Variants in PMS2 observed in about 807,000 individuals in gnomAD.
PMS2 encodes mismatch repair endonuclease PMS2.
A neutral mutation model predicts 90.0 loss-of-function variants in PMS2; 69 were observed. That is an observed-to-expected ratio of 0.77 (90% CI 0.63 to 0.94). The LOEUF (loss-of-function observed/expected upper bound fraction) is 0.94, where lower values mean the gene tolerates loss of function less well. Among genes scored for constraint, PMS2 ranks in the 40% least tolerant of loss-of-function variants. The pLI is 0.00. For missense variants in PMS2, 966 were observed against 1,040.2 expected, an observed-to-expected ratio of 0.93 and a Z score of 0.98; for synonymous variants, 332 against 375.1, an observed-to-expected ratio of 0.89 and a Z score of 1.33.
chr7:5,996,506 A>AG (rs1784403961), intron 7 of PMS2, among the ~76,000 whole-genome samples: 1 of 150,122 alleles, frequency 6.7e-6, no homozygotes, highest in African/African-American at 2.4e-5. Context: ...AGGGAGGCAG[A>AG]GGTTGCAGTG....
In PMS2 at chr7:5,989,962, C is replaced by CA. The variant is rs1333503820; in HGVS notation, c.989-8dup. On this transcript the variant is annotated splice_region_variant and splice_polypyrimidine_tract_variant and intron_variant, in intron 9 of 14. Coordinates refer to ENST00000265849, the MANE Select transcript of PMS2 (RefSeq NM_000535.7). Reference sequence around the variant, plus strand: ...ACATTGATATCAACGCATTCTAAGGCAAAAAAGAAAACATATTTATTATGT... The same window carrying CA: ...ACATTGATATCAACGCATTCTAAGGCAAAAAAAGAAAACATATTTATTATGT... 6.4e-7 allele frequency: 1 copy of CA among 1,558,914 alleles called. No homozygotes were observed.
chr7:5,999,401 C>T, intron 5 of PMS2, 126 bp from the exon 6 acceptor site: 1 of 855,038 alleles, frequency 1.2e-6, no homozygotes, highest in Non-Finnish European at 2.0e-6. Context: ...GCACTGTTGA[C>T]AGAATGATCT....
chr7:5,995,799 T>C (rs1784335299), intron 7 of PMS2, among the ~76,000 whole-genome samples, 166 bp from the exon 8 acceptor site: 1 of 152,096 alleles, frequency 6.6e-6, no homozygotes, highest in South Asian at 2.1e-4. Flanking sequence ...TCTTGATGAG[T>C]CATCAAAGAA....
At chr7:5,978,264 T>C (rs1447841372) in intron 13 of PMS2, among the ~76,000 whole-genome samples, 1 of 149,358 alleles carries the variant, frequency 6.7e-6, no homozygotes, top group African/African-American at 2.5e-5. Context: ...CAAGAATCTA[T>C]AGTTCTGATT....
At chr7:5,999,339 A>C in intron 5 of PMS2, 64 bp from the exon 6 acceptor site, 71 of 1,392,916 alleles carry the variant, frequency 5.1e-5, no homozygotes, top group Non-Finnish European at 6.3e-5. Flanking sequence ...TACACAGCTC[A>C]AGTTACAACA....
Position 5,987,554 on chromosome 7 carries a change from G to C in PMS2, c.1211C>G (p.Pro404Arg), listed in dbSNP as rs536111818. 166 of 1,613,884 alleles carry C rather than the reference G, an allele frequency of 1.0e-4. No individual in the cohort carries two copies. Among genetic ancestry groups the C allele is most frequent in the South Asian group, 3.6e-4 (33 of 91,082 alleles). Residue 404 changes from proline (P) to arginine (R), a missense_variant, in exon 11 of 15, where the codon CCT (proline) becomes CGT (arginine). Around this residue, in one of 2 missense-constraint regions of PMS2, gnomAD observed 871 missense variants for 802.4 expected, o/e 1.09. Coordinates refer to ENST00000265849, the MANE Select transcript of PMS2 (RefSeq NM_000535.7). ...KPMVEKQDQS[P>R]SLRTGEEKKD... ...TTTTTCTTCTCCAGTCCTTAATGAA[G>C]GGGATTGATCCTGCTTTTCTACCAT...
At chr7:6,008,847 A>T (rs1229721287) in intron 1 of PMS2, 150 bp downstream of exon 1, 1 of 965,294 alleles carries the variant, frequency 1.0e-6, no homozygotes, top group Non-Finnish European at 1.7e-6. Flanking sequence ...AGATCGCTGC[A>T]ACACTGAGGT....
At chr7:5,984,470 T>C (rs543637275) in intron 11 of PMS2, among the ~76,000 whole-genome samples, 5 of 151,894 alleles carry the variant, frequency 3.3e-5, no homozygotes, top group South Asian at 4.1e-4. Flanking sequence ...AAAGCAGCCA[T>C]GGACGTTTTC....
rs761440356 is a variant in PMS2, at chr7:5,973,262, A to T, written c.*137T>A. ...CATCTGGTTTGAAAAGGTTCTCAAGATCACTTTTAAATGGGTGTGATGTGT... is the reference window on the plus strand; with the variant it reads ...CATCTGGTTTGAAAAGGTTCTCAAGTTCACTTTTAAATGGGTGTGATGTGT... On this transcript the variant is annotated 3_prime_UTR_variant, in exon 15 of 15. Transcript: ENST00000265849. 28 of 825,280 alleles carry T rather than the reference A, an allele frequency of 3.4e-5. 2 individuals carry two copies. The highest frequency in any genetic ancestry group is 4.9e-5 in the Non-Finnish European group (25 of 509,360). 51.1% of individuals were successfully genotyped at this position (825,280 alleles called of 1,614,324 possible).
intron 5 of PMS2, among the ~76,000 whole-genome samples, chr7:6,001,668 C>T (rs577148278): frequency 3.3e-5 from 5 of 151,940 alleles, no homozygotes; most frequent in African/African-American, 1.2e-4. Context: ...TGTGCCTGGC[C>T]GAGAAATATT....
rs876658481 is a variant in PMS2 at position 5,987,083 on chromosome 7, T to G, written c.1682A>C (p.Lys561Thr). The stretch of plus-strand genomic sequence containing the variant: ...AGTTGGCTGAGGCAAAACTCGAAAT[T>G]TACATCCGGTATCTTCCTGGTTTGA... Reference protein sequence around the residue: ...CHSNQEDTGCKFRVLPQPTNL... With the variant: ...CHSNQEDTGCTFRVLPQPTNL... Residue 561 changes from lysine to threonine, a missense_variant, in exon 11 of 15, where the codon AAA becomes ACA. By Grantham distance (78) the Lys-to-Thr change is moderately conservative. Transcript: ENST00000265849. 19 of 1,614,042 alleles carry G rather than the reference T, an allele frequency of 1.2e-5. No individual in the cohort carries two copies. Among genetic ancestry groups the G allele is most frequent in the Non-Finnish European group, 1.6e-5 (19 of 1,180,034 alleles).
intron 7 of PMS2, 64 bp from the exon 8 acceptor site, chr7:5,995,697 A>G (rs1297053694): frequency 2.8e-6 from 3 of 1,082,460 alleles, no homozygotes; most frequent in Non-Finnish European, 4.3e-6. Context: ...ATACGATCAC[A>G]TGGCACATTC....
At chr7:5,983,712 C>T (rs1434920507) in intron 11 of PMS2, among the ~76,000 whole-genome samples, 16 of 151,200 alleles carry the variant, frequency 1.1e-4, no homozygotes, top group Admixed American at 7.2e-4. Context: ...ACTGCAGTGG[C>T]GTGACCGTGG....
intron 5 of PMS2, among the ~76,000 whole-genome samples, chr7:6,001,661 G>T (rs1785101002): frequency 1.3e-5 from 2 of 152,042 alleles, no homozygotes; most frequent in Non-Finnish European, 2.9e-5. Context: ...GAGCCACTGT[G>T]CCTGGCCGAG....
At chr7:6,005,291 G>A (rs1210960564) in intron 2 of PMS2, among the ~76,000 whole-genome samples, 1 of 152,106 alleles carries the variant, frequency 6.6e-6, no homozygotes. Flanking sequence ...TGCAACCTCC[G>A]TCTCTCGGCT....
chr7:6,004,184 G>C, intron 2 of PMS2, 126 bp from the exon 3 acceptor site: 3 of 644,944 alleles, frequency 4.7e-6, no homozygotes, highest in Non-Finnish European at 8.4e-6. Flanking sequence ...AAACATACTA[G>C]TGTCATTTTG....
intron 5 of PMS2, 103 bp downstream of exon 5, chr7:6,002,350 A>G: frequency 1.3e-6 from 1 of 797,400 alleles, no homozygotes; most frequent in Non-Finnish European, 2.2e-6. Context: ...ATTTCTCAAT[A>G]ATTTATGGGA....
At chr7:5,994,500 G>A (rs774826268) in intron 8 of PMS2, among the ~76,000 whole-genome samples, 32 of 152,048 alleles carry the variant, frequency 2.1e-4, no homozygotes, top group African/African-American at 6.3e-4. Context: ...TCTGCTGGGC[G>A]CGGTGGCTCA....
intron 12 of PMS2, 87 bp downstream of exon 12, chr7:5,982,737 C>G: frequency 2.5e-6 from 4 of 1,603,560 alleles, no homozygotes; most frequent in Non-Finnish European, 3.4e-6. Context: ...GTCTCAAACT[C>G]CTGGCCTCTT....
Sources: gnomAD v4.1 joint callset for allele counts (sites outside exome capture counted in the v4.1 genomes callset) on GRCh38, gnomAD v4.1.1 for gene constraint, gnomAD v4.1.1 regional missense constraint, MANE v1.5 for transcripts, NCBI Gene and HGNC (gene_info 2026-07-23, HGNC 2026-07-21) for gene names.